The following MEOX2 variants were observed in gnomAD, a reference collection of about 807,000 sequenced individuals.
The protein encoded by MEOX2 is homeobox protein MOX-2.
MEOX2 carries 11 observed loss-of-function variants against 27.0 expected under a neutral mutation model. That is an observed-to-expected ratio of 0.41 (90% confidence interval 0.26 to 0.68). The LOEUF (loss-of-function observed/expected upper bound fraction) is 0.68, where lower values mean the gene tolerates loss of function less well. Among genes scored for constraint, MEOX2 ranks in the 30% least tolerant of loss-of-function variants. The pLI is 0.33. For synonymous variants in MEOX2, 189 were observed against 155.4 expected (o/e 1.22, Z -1.61); for missense variants, 436 against 385.4 (o/e 1.13, Z -1.10).
At chr7:15,667,377 T>C (rs1200110496) in intron 1 of MEOX2, among the ~76,000 whole-genome samples, 1 of 151,012 alleles carries the variant, frequency 6.6e-6, no homozygotes, top group Non-Finnish European at 1.5e-5. Context: ...CTCCCTGGAT[T>C]TCTCTGAATA....
intron 1 of MEOX2, chr7:15,677,458 C>G (rs901464162): frequency 1.3e-5 from 2 of 152,198 alleles, no homozygotes; most frequent in African/African-American, 4.8e-5. Flanking sequence ...TCGGTTGACT[C>G]TTAGGGTTGC....
intron 2 of MEOX2, among the ~76,000 whole-genome samples, chr7:15,619,522 T>G (rs1781182685): frequency 6.6e-6 from 1 of 152,010 alleles, no homozygotes; most frequent in South Asian, 2.1e-4. Context: ...TTGATGAACG[T>G]TTACAGCAAG....
At chr7:15,664,051 GTTT>G (rs994151371) in intron 1 of MEOX2, among the ~76,000 whole-genome samples, 12 of 152,060 alleles carry the variant, frequency 7.9e-5, no homozygotes, top group African/African-American at 2.9e-4. Context: ...TTTTGTTTTT[GTTT>G]TTATTTTCTT....
At position 15,617,162 on chromosome 7, in the gene MEOX2, A is replaced by G. The variant is rs971052464; in HGVS notation, c.691-4551T>C. Reference sequence around the variant, plus strand: ...GTGTTTTGAAGAAAAAAGCCATAACATCAAACATCTGGATGAAAACTAAAA... The same window carrying G: ...GTGTTTTGAAGAAAAAAGCCATAACGTCAAACATCTGGATGAAAACTAAAA... On this transcript the variant is annotated intron_variant, in intron 2 of 2. Coordinates refer to ENST00000262041, the MANE Select transcript of MEOX2 (RefSeq NM_005924.5). Among the ~76,000 whole-genome samples the G allele has an allele frequency of 3.3e-5, 5 of 152,054 alleles. 1 individual carries two copies. Among genetic ancestry groups the G allele is most frequent in the African/African-American group, 1.2e-4 (5 of 41,450 alleles).
At chr7:15,625,941 G>A (rs1781296531) in intron 2 of MEOX2, among the ~76,000 whole-genome samples, 1 of 152,130 alleles carries the variant, frequency 6.6e-6, no homozygotes, top group South Asian at 2.1e-4. Flanking sequence ...TATTCTCTGA[G>A]TGGGTAGCAG....
intron 2 of MEOX2, among the ~76,000 whole-genome samples, chr7:15,612,962 GC>G (rs1407944560): frequency 3.9e-5 from 6 of 152,118 alleles, no homozygotes; most frequent in Admixed American, 2.0e-4. Context: ...GTTGGTCAAA[GC>G]CCCCCACTCC....
intron 2 of MEOX2, among the ~76,000 whole-genome samples, chr7:15,624,693 T>G (rs1042699877): frequency 2.0e-5 from 3 of 152,148 alleles, no homozygotes; most frequent in African/African-American, 7.2e-5. Flanking sequence ...CCAGCAGTAT[T>G]ACTGTCCAAC....
At chr7:15,613,549 T>C (rs975049022) in intron 2 of MEOX2, among the ~76,000 whole-genome samples, 2 of 152,096 alleles carry the variant, frequency 1.3e-5, no homozygotes, top group Non-Finnish European at 2.9e-5. Context: ...CTTTTTACAT[T>C]GTATTTCTCT....
intron 1 of MEOX2, among the ~76,000 whole-genome samples, chr7:15,677,998 T>C (rs565447482): frequency 6.6e-6 from 1 of 152,314 alleles, no homozygotes; most frequent in African/African-American, 2.4e-5. Flanking sequence ...AAATTATTTA[T>C]AATTCCCTGA....
intron 1 of MEOX2, among the ~76,000 whole-genome samples, chr7:15,640,417 G>C (rs1781541491): frequency 6.6e-6 from 1 of 152,012 alleles, no homozygotes; most frequent in Non-Finnish European, 1.5e-5. Context: ...TCACATCTGG[G>C]AGTTTTTTGA....
intron 1 of MEOX2, among the ~76,000 whole-genome samples, chr7:15,632,200 C>T (rs1368246600): frequency 6.6e-6 from 1 of 151,588 alleles, no homozygotes; most frequent in Non-Finnish European, 1.5e-5. Flanking sequence ...TTTTTGCTTC[C>T]TCCTCTCTTC....
intron 1 of MEOX2, among the ~76,000 whole-genome samples, chr7:15,669,606 G>A (rs186018664): frequency 1.3e-5 from 2 of 152,288 alleles, no homozygotes; most frequent in Non-Finnish European, 2.9e-5. Flanking sequence ...CTCTGCAGTC[G>A]TGGCAGCTGA....
intron 2 of MEOX2, 141 bp from the exon 3 acceptor site, chr7:15,612,752 A>G (rs1419680275): frequency 7.6e-6 from 5 of 654,868 alleles, no homozygotes; most frequent in Non-Finnish European, 1.3e-5. Context: ...AGAAAAATAA[A>G]TCCACGTTGA....
intron 2 of MEOX2, among the ~76,000 whole-genome samples, chr7:15,623,641 A>T (rs939362187): frequency 6.6e-6 from 1 of 152,180 alleles, no homozygotes; most frequent in Non-Finnish European, 1.5e-5. Context: ...AAGTGCTGGG[A>T]CAAGTACAGG....
intron 1 of MEOX2, among the ~76,000 whole-genome samples, chr7:15,676,911 T>C (rs1782203801): frequency 6.6e-6 from 1 of 151,896 alleles, no homozygotes; most frequent in South Asian, 2.1e-4. Context: ...ATATGCACTC[T>C]TCCTGAAAAC....
At chr7:15,673,588 C>T (rs1443432647) in intron 1 of MEOX2, among the ~76,000 whole-genome samples, 1 of 21,404 alleles carries the variant, frequency 4.7e-5, no homozygotes, top group Admixed American at 7.1e-4. Flanking sequence ...TAGACATAAA[C>T]AAGTCTATCA....
intron 1 of MEOX2, among the ~76,000 whole-genome samples, chr7:15,632,368 T>A (rs1781417977): frequency 2.6e-5 from 4 of 151,882 alleles, no homozygotes. Context: ...TATTTTTAAA[T>A]GATGAGATTT....
intron 1 of MEOX2, among the ~76,000 whole-genome samples, chr7:15,675,385 G>A (rs1330870554): frequency 1.3e-5 from 2 of 152,178 alleles, no homozygotes; most frequent in Non-Finnish European, 2.9e-5. Context: ...TTACACTCAA[G>A]CAAAGCACTT....
At chr7:15,634,187 A>G (rs991940812) in intron 1 of MEOX2, among the ~76,000 whole-genome samples, 4 of 151,998 alleles carry the variant, frequency 2.6e-5, no homozygotes, top group Non-Finnish European at 5.9e-5. Flanking sequence ...CCCAGAGATT[A>G]TAGTTCTGAA....
Sources: allele counts gnomAD v4.1 joint callset (sites outside exome capture counted in the v4.1 genomes callset), GRCh38; gene constraint gnomAD v4.1.1; transcripts MANE v1.5; gene names NCBI Gene and HGNC (gene_info 2026-07-23, HGNC 2026-07-21).